Variants in RAB3IP observed in about 807,000 individuals in gnomAD.
RAB3IP encodes the protein RAB3A interacting protein.
Under a neutral mutation model 59.1 loss-of-function variants are expected in RAB3IP, and 36 were observed. The ratio of observed to expected loss-of-function variants is 0.61; its 90% CI spans 0.47 to 0.80. The LOEUF (loss-of-function observed/expected upper bound fraction) is 0.80. RAB3IP is among the 30% of genes least tolerant of loss of function. The probability of loss-of-function intolerance (pLI) is 0.00; values close to 1 mark genes in which losing one functional copy is unlikely to be tolerated. For missense variants in RAB3IP, 511 were observed against 536.0 expected, an observed-to-expected ratio of 0.95 and a Z score of 0.46; for synonymous variants, 207 against 191.2, an observed-to-expected ratio of 1.08 and a Z score of -0.68.
chr12:69,771,613 G>A (rs1209803510), intron 3 of RAB3IP, among the ~76,000 whole-genome samples: 3 of 152,086 alleles, frequency 2.0e-5, no homozygotes, highest in South Asian at 4.1e-4. Context: ...GGTAAACTTG[G>A]GAGTGCAGCT....
rs115308754 is a variant in RAB3IP, at chr12:69,762,051, A to G, written c.510+5388A>G. 2.8e-3 allele frequency among the ~76,000 whole-genome samples: 420 copies of G among 152,320 alleles called. 3 individuals are homozygous for G. The highest frequency in any genetic ancestry group is 9.3e-3 in the African/African-American group (385 of 41,574). Reference sequence around the variant, plus strand: ...TACACATCACTTTTGCTCACATTCTATTGGTGTGAACCTTTCATGCCAATA... The same window carrying G: ...TACACATCACTTTTGCTCACATTCTGTTGGTGTGAACCTTTCATGCCAATA... On this transcript the variant is annotated intron_variant, in intron 3 of 10. Coordinates refer to ENST00000247833, the MANE Select transcript of RAB3IP (RefSeq NM_022456.5).
intron 3 of RAB3IP, among the ~76,000 whole-genome samples, chr12:69,758,042 A>G (rs1158961048): frequency 6.6e-6 from 1 of 152,216 alleles, no homozygotes; most frequent in Non-Finnish European, 1.5e-5. Flanking sequence ...GTTAGTATTA[A>G]TATTTACTTA....
At chr12:69,784,571 T>C in intron 3 of RAB3IP, 149 bp from the exon 4 acceptor site, 2 of 317,538 alleles carry the variant, frequency 6.3e-6, no homozygotes, top group Middle Eastern at 9.1e-4. Flanking sequence ...GTCTTCCACA[T>C]AGCAGGTGCT....
chr12:69,780,857 A>G (rs992891130), intron 3 of RAB3IP, among the ~76,000 whole-genome samples: 1 of 149,862 alleles, frequency 6.7e-6, no homozygotes. Context: ...TTGTTTTGTT[A>G]TTTTTAATCA....
chr12:69,739,576 G>T (rs11177818), intron 1 of RAB3IP: 67,197 of 552,726 alleles, frequency 0.12, 5,112 homozygotes, highest in Non-Finnish European at 0.16. Context: ...GCGAGGCACC[G>T]TGCTGAGGCG....
intron 6 of RAB3IP, among the ~76,000 whole-genome samples, chr12:69,796,828 T>C (rs1411009599): frequency 6.6e-6 from 1 of 152,236 alleles, no homozygotes; most frequent in Non-Finnish European, 1.5e-5. Context: ...TCAGTATGTG[T>C]AAGTAATTAT....
chr12:69,813,534 A>G (rs911689975), intron 10 of RAB3IP, among the ~76,000 whole-genome samples: 7 of 152,190 alleles, frequency 4.6e-5, no homozygotes, highest in African/African-American at 1.7e-4. Flanking sequence ...CATATTCTAA[A>G]TCAGCAGAAA....
At chr12:69,798,569 T>A (rs2136240338) in intron 6 of RAB3IP, among the ~76,000 whole-genome samples, 1 of 152,232 alleles carries the variant, frequency 6.6e-6, no homozygotes, top group South Asian at 2.1e-4. Flanking sequence ...TTGCCATTGC[T>A]TTTGGTGTTT....
At chr12:69,759,690 G>A (rs1299125171) in intron 3 of RAB3IP, among the ~76,000 whole-genome samples, 7 of 150,378 alleles carry the variant, frequency 4.7e-5, no homozygotes, top group African/African-American at 1.5e-4. Context: ...GCGGCTGGCC[G>A]GGCAGGGGCT....
At chr12:69,740,702 C>T (rs757869417) in intron 1 of RAB3IP, among the ~76,000 whole-genome samples, 2 of 152,176 alleles carry the variant, frequency 1.3e-5, no homozygotes, top group Non-Finnish European at 2.9e-5. Flanking sequence ...CTTTAATATT[C>T]TTTACCTTTG....
rs1399520762 is a variant in RAB3IP at position 69,818,497 on chromosome 12, G to A, written c.*3051G>A. On this transcript the variant is annotated 3_prime_UTR_variant, in exon 11 of 11. Transcript: ENST00000247833. ...CATGGGTCAGCAATTTCACTTTTCA[G>A]TATATACTTGAGAAATGCTTGCACA... is the stretch of plus-strand genomic sequence containing the variant. The A allele has an allele frequency of 2.6e-5, 4 of 151,100 alleles. No individual in the cohort carries two copies. The highest frequency in any genetic ancestry group is 9.7e-5 in the African/African-American group (4 of 41,078). 9.4% of individuals were successfully genotyped at this position (151,100 alleles called of 1,614,324 possible).
chr12:69,768,049 G>A (rs2136164909), intron 3 of RAB3IP, among the ~76,000 whole-genome samples: 1 of 152,226 alleles, frequency 6.6e-6, no homozygotes, highest in South Asian at 2.1e-4. Flanking sequence ...AGGAAGGGTG[G>A]TGGAGCAGCT....
At chr12:69,788,376 A>G (rs1876055873) in intron 4 of RAB3IP, among the ~76,000 whole-genome samples, 2 of 152,156 alleles carry the variant, frequency 1.3e-5, no homozygotes, top group African/African-American at 4.8e-5. Flanking sequence ...ACTATACTGA[A>G]TACTGTTGGC....
intron 8 of RAB3IP, among the ~76,000 whole-genome samples, chr12:69,808,999 G>T (rs2136277410): frequency 6.6e-6 from 1 of 151,940 alleles, no homozygotes; most frequent in South Asian, 2.1e-4. Flanking sequence ...TAGCCTTGAT[G>T]GTCTTTACAA....
Position 69,820,986 on chromosome 12 carries a change from TAGA to T in RAB3IP, c.*5544_*5546del, listed in dbSNP as rs1199556560. Reference sequence around the variant, plus strand: ...ATTTGCAAAACTTAAAAAAAAAATGTAGAAGAGGACTAAACTTGATAAAATATT... The same window carrying T: ...ATTTGCAAAACTTAAAAAAAAAATGTAGAGGACTAAACTTGATAAAATATT... On this transcript the variant is annotated 3_prime_UTR_variant, in exon 11 of 11. Transcript: ENST00000247833. 1.3e-5 allele frequency: 2 copies of T among 151,222 alleles called. No individual in the cohort carries two copies. The highest frequency in any genetic ancestry group is 4.9e-5 in the African/African-American group (2 of 41,090). 9.4% of individuals were successfully genotyped at this position (151,222 alleles called of 1,614,324 possible). A position where few individuals can be genotyped will look rare whatever the true frequency, so the allele number is the denominator to read the frequency against.
chr12:69,799,772 G>A (rs1244910548), intron 6 of RAB3IP, among the ~76,000 whole-genome samples: 1 of 152,044 alleles, frequency 6.6e-6, no homozygotes, highest in African/African-American at 2.4e-5. Context: ...AATTAATTAG[G>A]TTCCAAATTA....
At chr12:69,766,072 A>G (rs1412802627) in intron 3 of RAB3IP, among the ~76,000 whole-genome samples, 1 of 152,160 alleles carries the variant, frequency 6.6e-6, no homozygotes, top group East Asian at 1.9e-4. Context: ...TCAGCCTTTA[A>G]GTATTTTTGT....
In RAB3IP at chr12:69,755,539, A is replaced by G. The variant is rs775139940; in HGVS notation, c.131A>G (p.His44Arg). Residue 44 changes from histidine (H) to arginine (R), a missense_variant, in exon 2 of 11, where the codon CAC (histidine) becomes CGC (arginine). Coordinates refer to ENST00000247833, the MANE Select transcript of RAB3IP (RefSeq NM_022456.5). ...TTSPSVIYRP[H>R]PSALSSVPIQ... ...TCACCAAGTGTCATCTACCGGCCAC[A>G]CCCTTCAGCTTTATCCTCTGTACCT... 2 of 1,613,938 alleles carry G rather than the reference A, an allele frequency of 1.2e-6. No homozygotes were observed. Among genetic ancestry groups the G allele is most frequent in the South Asian group, 1.1e-5 (1 of 91,068 alleles).
At chr12:69,812,467 G>A (rs964273593) in intron 8 of RAB3IP, 1 of 241,556 alleles carries the variant, frequency 4.1e-6, no homozygotes, top group Non-Finnish European at 7.9e-6. Context: ...AAAGCTGAGA[G>A]CTGTCCTGCA....
Sources: gnomAD v4.1 joint callset for allele counts (sites outside exome capture counted in the v4.1 genomes callset) on GRCh38, gnomAD v4.1.1 for gene constraint, MANE v1.5 for transcripts, NCBI Gene and HGNC (gene_info 2026-07-23, HGNC 2026-07-21) for gene names.